MILR1: variants seen among roughly 807,000 people sequenced by gnomAD.
The protein encoded by MILR1 is mast cell immunoglobulin like receptor 1.
Under a neutral mutation model 18.5 loss-of-function variants are expected in MILR1, and 31 were observed. That is an observed-to-expected ratio of 1.68 (90% confidence interval 1.26 to 2.26). MILR1 has a LOEUF of 2.26. MILR1 is among the 30% of genes most tolerant of loss of function. The pLI is 0.00. For synonymous variants in MILR1, 85 were observed against 56.2 expected (o/e 1.51, Z -2.30); for missense variants, 257 against 157.4 (o/e 1.63, Z -3.38).
rs575965638 is a variant in MILR1 at position 64,466,365 on chromosome 17, G to A, written c.854-77G>A. 22 of 1,208,404 alleles carry A rather than the reference G, an allele frequency of 1.8e-5. No homozygotes were observed. In the East Asian group the frequency reaches 2.0e-4, roughly 11 times the overall value. 74.9% of individuals were successfully genotyped at this position (1,208,404 alleles called of 1,614,324 possible). A position where few individuals can be genotyped will look rare whatever the true frequency, so the allele number is the denominator to read the frequency against. On this transcript the variant is annotated intron_variant, in intron 6 of 9. Coordinates refer to ENST00000619286, the MANE Select transcript of MILR1 (RefSeq NM_001085423.2). Reference sequence around the variant, plus strand: ...CAGCCTACATGGCCACATTCCAGACGCATTGCTGAGCAATTTACCGACCTT... The same window carrying A: ...CAGCCTACATGGCCACATTCCAGACACATTGCTGAGCAATTTACCGACCTT...
chr17:64,464,107 G>A (rs2037493546), intron 5 of MILR1, among the ~76,000 whole-genome samples: 2 of 146,940 alleles, frequency 1.4e-5, no homozygotes, highest in Non-Finnish European at 3.0e-5. Flanking sequence ...GTGAGCCACC[G>A]CGCCTGACAT....
chr17:64,482,536 T>C, the MILR1 span, among the ~76,000 whole-genome samples: 151 of 152,270 alleles, frequency 9.9e-4, no homozygotes, highest in African/African-American at 3.5e-3. Flanking sequence ...GCCAGGATGG[T>C]CTCGATCTCT....
At chr17:64,497,187 G>C in the MILR1 span, among the ~76,000 whole-genome samples, 4 of 152,242 alleles carry the variant, frequency 2.6e-5, no homozygotes, top group African/African-American at 9.6e-5. Context: ...TTCTCTGCTA[G>C]CTTGCCGTTC....
At chr17:64,476,767 T>A in the MILR1 span, among the ~76,000 whole-genome samples, 1 of 151,520 alleles carries the variant, frequency 6.6e-6, no homozygotes, top group South Asian at 2.1e-4. Flanking sequence ...GCAGGAGGAC[T>A]ACTTGAGGCT....
At chr17:64,474,825 G>A in the MILR1 span, among the ~76,000 whole-genome samples, 54 of 152,174 alleles carry the variant, frequency 3.5e-4, no homozygotes, top group South Asian at 0.011. Flanking sequence ...AAAAACCCCA[G>A]AGCTCCTTGG....
At position 64,457,423 on chromosome 17, in the gene MILR1, A is replaced by C. The variant is rs2144032619; in HGVS notation, c.391A>C (p.Asn131His). ...AGACCCGGTGACTTCCCCAGTGCTGAACATTATGGTCATTCAAACAGAAAC... is the reference window on the plus strand; with the variant it reads ...AGACCCGGTGACTTCCCCAGTGCTGCACATTATGGTCATTCAAACAGAAAC... Reference protein sequence around the residue: ...IVDPVTSPVLNIMVIQTETDR... With the variant: ...IVDPVTSPVLHIMVIQTETDR... Residue 131 changes from asparagine (N) to histidine (H), a missense_variant, in exon 4 of 10, where the codon AAC (asparagine) becomes CAC (histidine). By Grantham distance (68) the Asn-to-His change is moderately conservative. Transcript: ENST00000619286. 1 of 475,376 alleles carries C rather than the reference A, an allele frequency of 2.1e-6. No homozygotes were observed. Among genetic ancestry groups the C allele is most frequent in the East Asian group, 3.1e-5 (1 of 32,042 alleles). 29.4% of individuals were successfully genotyped at this position (475,376 alleles called of 1,614,324 possible).
the MILR1 span, among the ~76,000 whole-genome samples, chr17:64,476,475 T>G: frequency 6.6e-6 from 1 of 151,900 alleles, no homozygotes; most frequent in African/African-American, 2.4e-5. Context: ...AGCCTAGGAG[T>G]TTGAGACCAG....
chr17:64,492,068 A>C, the MILR1 span, among the ~76,000 whole-genome samples: 3 of 152,186 alleles, frequency 2.0e-5, no homozygotes, highest in South Asian at 2.1e-4. Context: ...TGTTATCCAG[A>C]CTTTTATGGC....
At chr17:64,488,929 A>T in the MILR1 span, among the ~76,000 whole-genome samples, 5 of 152,050 alleles carry the variant, frequency 3.3e-5, no homozygotes, top group Non-Finnish European at 5.9e-5. Context: ...TGGGCAACAG[A>T]GTGAGATGCT....
chr17:64,470,102 G>C (rs2037664665), downstream of MILR1, among the ~76,000 whole-genome samples: 1 of 152,082 alleles, frequency 6.6e-6, no homozygotes, highest in African/African-American at 2.4e-5. Flanking sequence ...TTTTGTTGTT[G>C]TTGTTTTTTG....
At chr17:64,480,338 G>T in the MILR1 span, 2 of 1,601,798 alleles carry the variant, frequency 1.2e-6, no homozygotes, top group East Asian at 4.5e-5. Flanking sequence ...AAATAACCAG[G>T]CCACACAGAA....
At chr17:64,453,212 G>T (rs1458767786) in intron 3 of MILR1, among the ~76,000 whole-genome samples, 1 of 151,430 alleles carries the variant, frequency 6.6e-6, no homozygotes, top group African/African-American at 2.4e-5. Flanking sequence ...GGGATTACAG[G>T]CACCCATCAC....
intron 3 of MILR1, among the ~76,000 whole-genome samples, chr17:64,454,864 G>A (rs956179181): frequency 5.7e-4 from 86 of 152,106 alleles, no homozygotes; most frequent in African/African-American, 1.8e-3. Flanking sequence ...GTAGCTGAGC[G>A]TGGTGGCGTG....
At chr17:64,452,908 G>T in intron 3 of MILR1, 42 bp downstream of exon 3, 2 of 470,024 alleles carry the variant, frequency 4.3e-6, no homozygotes, top group South Asian at 7.1e-5. Flanking sequence ...ATAATTTATA[G>T]GGTGCTTTCT....
chr17:64,466,747 C>A, intron 8 of MILR1, 85 bp downstream of exon 8: 1 of 1,162,572 alleles, frequency 8.6e-7, no homozygotes, highest in Non-Finnish European at 1.2e-6. Context: ...GCTTCAGGAG[C>A]CCGTTAATGG....
the MILR1 span, among the ~76,000 whole-genome samples, chr17:64,482,096 CT>C: frequency 3.9e-3 from 452 of 116,042 alleles, no homozygotes; most frequent in East Asian, 7.7e-3. Context: ...TTAATTAAAG[CT>C]TTTTTTTTTT....
chr17:64,482,554 G>A, the MILR1 span, among the ~76,000 whole-genome samples: 1 of 152,144 alleles, frequency 6.6e-6, no homozygotes, highest in Non-Finnish European at 1.5e-5. Context: ...TCTTGACCTC[G>A]TGATCCACCC....
At chr17:64,476,444 C>T in the MILR1 span, among the ~76,000 whole-genome samples, 4 of 152,048 alleles carry the variant, frequency 2.6e-5, no homozygotes, top group African/African-American at 9.7e-5. Flanking sequence ...TTTTGGGAGG[C>T]TGAGACAGGA....
At chr17:64,461,582 T>C (rs887963741) in intron 5 of MILR1, among the ~76,000 whole-genome samples, 1 of 152,130 alleles carries the variant, frequency 6.6e-6, no homozygotes, top group Non-Finnish European at 1.5e-5. Flanking sequence ...TTTTGTACGC[T>C]CTTTTAAAAA....
Sources: gnomAD v4.1 joint callset for allele counts (sites outside exome capture counted in the v4.1 genomes callset) on GRCh38, gnomAD v4.1.1 for gene constraint, MANE v1.5 for transcripts, NCBI Gene and HGNC (gene_info 2026-07-23, HGNC 2026-07-21) for gene names.